DLGAP2: variants seen among roughly 807,000 people sequenced by gnomAD.
DLGAP2 encodes DLG associated protein 2.
Under a neutral mutation model 100.3 loss-of-function variants are expected in DLGAP2, and 26 were observed. The ratio of observed to expected loss-of-function variants is 0.26; its 90% confidence interval spans 0.19 to 0.36. DLGAP2 has a LOEUF of 0.36. Among genes scored for constraint, DLGAP2 ranks in the 10% least tolerant of loss-of-function variants. The probability of loss-of-function intolerance (pLI) is 1.00; values close to 1 mark genes in which losing one functional copy is unlikely to be tolerated. For synonymous variants in DLGAP2, 886 were observed against 630.1 expected (o/e 1.41, Z -6.08); for missense variants, 1,858 against 1,453.2 (o/e 1.28, Z -4.53).
At chr8:758,868 T>C (rs1189101716) in intron 1 of DLGAP2, among the ~76,000 whole-genome samples, 1 of 152,066 alleles carries the variant, frequency 6.6e-6, no homozygotes, top group Non-Finnish European at 1.5e-5. Context: ...GCCAAGACTA[T>C]TTTTCAAAGA....
chr8:766,437 A>G (rs769502961), intron 1 of DLGAP2, among the ~76,000 whole-genome samples: 12 of 152,186 alleles, frequency 7.9e-5, no homozygotes, highest in Non-Finnish European at 1.8e-4. Flanking sequence ...CGTCACATAA[A>G]TCTTTCTAAT....
Position 1,226,130 on chromosome 8 carries a change from A to C in DLGAP2, c.74-32721A>C, listed in dbSNP as rs527820626. 2.0e-5 allele frequency among the ~76,000 whole-genome samples: 3 copies of C among 152,328 alleles called. No individual in the cohort carries two copies. The East Asian group carries it at 5.8e-4, about 29-fold the overall frequency. ...ATAATTAAATAGCAGAAAAATAAAT[A>C]GCTCAGTTTAAACCATGGGCATTCT... On this transcript the variant is annotated intron_variant, in intron 2 of 14. Coordinates refer to ENST00000637795, the MANE Select transcript of DLGAP2 (RefSeq NM_001346810.2).
At chr8:812,120 G>T (rs1179764801) in intron 1 of DLGAP2, among the ~76,000 whole-genome samples, 3 of 152,192 alleles carry the variant, frequency 2.0e-5, no homozygotes, top group African/African-American at 7.2e-5. Flanking sequence ...AGGAGAGAGA[G>T]ATTTAATGCG....
rs550993649 is a variant in DLGAP2, at chr8:787,706, A to G, written c.18+49881A>G. On this transcript the variant is annotated intron_variant, in intron 1 of 14. Transcript: ENST00000637795. ...CCAAATGGCTTTCTCAGCATCCCAG[A>G]TCACCCTGGGGGCTGTCTCAGCCTA... Among the ~76,000 whole-genome samples, 3 of 152,164 alleles carry G rather than the reference A, an allele frequency of 2.0e-5. No homozygotes were observed. In the South Asian group the frequency reaches 6.2e-4, roughly 32 times the overall value.
intron 3 of DLGAP2, among the ~76,000 whole-genome samples, chr8:1,333,509 T>G (rs1445046360): frequency 6.6e-6 from 1 of 151,922 alleles, no homozygotes; most frequent in Non-Finnish European, 1.5e-5. Context: ...CAGACAGGGG[T>G]TCACACCCCG....
chr8:1,106,870 A>G (rs12547169), intron 2 of DLGAP2, among the ~76,000 whole-genome samples: 22,582 of 152,210 alleles, frequency 0.15, 1,972 homozygotes, highest in East Asian at 0.23. Flanking sequence ...CAAATTATCA[A>G]ATGAGAATAG....
intron 3 of DLGAP2, among the ~76,000 whole-genome samples, chr8:1,493,378 C>G (rs1799449688): frequency 6.6e-6 from 1 of 152,168 alleles, no homozygotes; most frequent in Non-Finnish European, 1.5e-5. Context: ...ATCTCCGCAG[C>G]TCTGAGACGT....
intron 2 of DLGAP2, among the ~76,000 whole-genome samples, chr8:1,074,140 G>C (rs866322774): frequency 7.1e-6 from 1 of 141,734 alleles, no homozygotes; most frequent in African/African-American, 3.0e-5. Context: ...GCAGCAGACT[G>C]AGGCTGAACT....
intron 4 of DLGAP2, among the ~76,000 whole-genome samples, chr8:1,522,067 C>T (rs943325468): frequency 2.0e-5 from 3 of 151,312 alleles, no homozygotes; most frequent in Non-Finnish European, 4.4e-5. Flanking sequence ...ATTTGGAATA[C>T]TCGGGGGCAG....
intron 2 of DLGAP2, among the ~76,000 whole-genome samples, chr8:1,257,067 C>G (rs1444219362): frequency 4.6e-5 from 7 of 152,170 alleles, no homozygotes; most frequent in Non-Finnish European, 8.8e-5. Flanking sequence ...CACCGGCGCC[C>G]GTGAAGGCAG....
chr8:1,463,755 C>T (rs575514863), intron 3 of DLGAP2, among the ~76,000 whole-genome samples: 5 of 152,364 alleles, frequency 3.3e-5, no homozygotes, highest in African/African-American at 7.2e-5. Context: ...GGCCCTCCTC[C>T]GTCAGATGGG....
intron 1 of DLGAP2, among the ~76,000 whole-genome samples, chr8:780,425 G>T (rs1821652543): frequency 6.6e-6 from 1 of 152,180 alleles, no homozygotes; most frequent in African/African-American, 2.4e-5. Context: ...CTTGTCCATT[G>T]TGAGTAGTGA....
At chr8:1,426,777 A>C (rs755585076) in intron 3 of DLGAP2, among the ~76,000 whole-genome samples, 4 of 152,230 alleles carry the variant, frequency 2.6e-5, no homozygotes, top group African/African-American at 4.8e-5. Context: ...AAGAAAAATA[A>C]AATTCCCACC....
chr8:1,584,949 G>A (rs1218391614), intron 6 of DLGAP2, among the ~76,000 whole-genome samples: 2 of 151,784 alleles, frequency 1.3e-5, no homozygotes, highest in East Asian at 1.9e-4. Flanking sequence ...TTTTCTATTA[G>A]AAAAAATGTC....
At chr8:958,805 C>T (rs1239082625) in intron 2 of DLGAP2, among the ~76,000 whole-genome samples, 1 of 152,056 alleles carries the variant, frequency 6.6e-6, no homozygotes, top group Non-Finnish European at 1.5e-5. Context: ...TATTGTGAGA[C>T]TTAGAATGGG....
chr8:1,234,497 A>T (rs1210885638), intron 2 of DLGAP2, among the ~76,000 whole-genome samples: 1 of 152,160 alleles, frequency 6.6e-6, no homozygotes, highest in Non-Finnish European at 1.5e-5. Context: ...CCCCAGGATT[A>T]GGGTGACCTC....
intron 1 of DLGAP2, among the ~76,000 whole-genome samples, chr8:886,021 G>A (rs528855738): frequency 4.6e-5 from 7 of 152,232 alleles, no homozygotes; most frequent in South Asian, 2.1e-4. Flanking sequence ...CTGTGAATCC[G>A]TCTGGTCCTG....
rs762004248 is a variant in DLGAP2, at chr8:1,548,805, C to T, written c.352C>T (p.Pro118Ser). The change falls in exon 5 of 15, where the codon CCG becomes TCG. Residue 118 changes from proline (P) to serine (S), a missense_variant. By Grantham distance (74) the Pro-to-Ser change is moderately conservative. Coordinates refer to ENST00000637795, the MANE Select transcript of DLGAP2 (RefSeq NM_001346810.2). ...EHLHHGPDARPPYLLSPADSC... is the reference protein window; with the variant it reads ...EHLHHGPDARSPYLLSPADSC... ...CCTGCACCACGGGCCCGACGCGCGGCCGCCCTACCTGCTGAGCCCCGCCGA... is the reference window on the plus strand; with the variant it reads ...CCTGCACCACGGGCCCGACGCGCGGTCGCCCTACCTGCTGAGCCCCGCCGA... The T allele has an allele frequency of 2.5e-6, 4 of 1,579,972 alleles. No individual in the cohort carries two copies. The highest frequency in any genetic ancestry group is 2.7e-5 in the African/African-American group (2 of 74,174).
chr8:1,509,592 C>T (rs949683732), intron 4 of DLGAP2, among the ~76,000 whole-genome samples: 1 of 151,734 alleles, frequency 6.6e-6, no homozygotes, highest in Non-Finnish European at 1.5e-5. Context: ...GGAAGCAGTG[C>T]GTGTCGTGGG....
Sources: gnomAD v4.1 joint callset for allele counts (sites outside exome capture counted in the v4.1 genomes callset) on GRCh38, gnomAD v4.1.1 for gene constraint, MANE v1.5 for transcripts, NCBI Gene and HGNC (gene_info 2026-07-23, HGNC 2026-07-21) for gene names.